The following KIAA0753 variants were observed in gnomAD, a reference collection of about 807,000 sequenced individuals.
The protein encoded by KIAA0753 is KIAA0753.
KIAA0753 carries 114 observed loss-of-function variants against 116.9 expected under a neutral mutation model. The observed-to-expected ratio is 0.98, with a 90% CI of 0.84 to 1.14. KIAA0753 has a LOEUF of 1.14. Ranked by LOEUF, KIAA0753 falls within the 50% of genes most tolerant of loss-of-function variation. The pLI, the probability that KIAA0753 is intolerant of heterozygous loss-of-function variation, is 0.00. For synonymous variants in KIAA0753, 405 were observed against 413.1 expected (o/e 0.98, Z 0.24); for missense variants, 1,156 against 1,172.4 (o/e 0.99, Z 0.20).
chr17:6,608,229 A>T, intron 10 of KIAA0753, 119 bp downstream of exon 10: 1 of 460,954 alleles, frequency 2.2e-6, no homozygotes, highest in Non-Finnish European at 3.9e-6. Flanking sequence ...ATTTTTAAAA[A>T]TAATCTACAT....
At chr17:6,596,701 G>C (rs1432004434) in intron 14 of KIAA0753, among the ~76,000 whole-genome samples, 1 of 152,174 alleles carries the variant, frequency 6.6e-6, no homozygotes, top group Non-Finnish European at 1.5e-5. Flanking sequence ...ACACATTCCA[G>C]AGGATGTAAC....
chr17:6,618,986 C>A (rs928505168), intron 7 of KIAA0753, among the ~76,000 whole-genome samples: 17 of 152,142 alleles, frequency 1.1e-4, no homozygotes, highest in African/African-American at 3.9e-4. Flanking sequence ...CCCAGCACTT[C>A]GGAAGGCTAA....
intron 7 of KIAA0753, among the ~76,000 whole-genome samples, chr17:6,614,886 C>A (rs969127030): frequency 1.3e-5 from 2 of 151,664 alleles, no homozygotes; most frequent in African/African-American, 4.9e-5. Flanking sequence ...GCAACCTCCG[C>A]TTCCCAGGTT....
intron 16 of KIAA0753, among the ~76,000 whole-genome samples, chr17:6,591,026 GGAAGAAGGAAGAAGGAAGAAGAAGAAGAA>G (rs1968973756): frequency 1.1e-5 from 1 of 93,516 alleles, no homozygotes; most frequent in South Asian, 3.5e-4. Flanking sequence ...GAAGGAAGAA[GGAAGAAGGAAGAAGGAAGAAGAAGAAGAA>G]GAAGAAGAAG....
intron 14 of KIAA0753, among the ~76,000 whole-genome samples, chr17:6,596,683 T>C (rs1005376383): frequency 6.6e-6 from 1 of 152,248 alleles, no homozygotes; most frequent in African/African-American, 2.4e-5. Flanking sequence ...TCCAATATTT[T>C]ACACGTCACA....
chr17:6,582,116 T>C (rs1159095747), intron 18 of KIAA0753, among the ~76,000 whole-genome samples: 6 of 152,214 alleles, frequency 3.9e-5, no homozygotes, highest in Non-Finnish European at 1.5e-5. Flanking sequence ...AGCCTTCCCC[T>C]AGAAACCTTG....
rs1421554076 is a variant in KIAA0753, at chr17:6,590,635, A to G, written c.2441-5T>C. 6.2e-7 allele frequency: 1 copy of G among 1,613,480 alleles called. No individual in the cohort carries two copies. Among genetic ancestry groups the G allele is most frequent in the South Asian group, 1.1e-5 (1 of 91,036 alleles). On this transcript the variant is annotated splice_region_variant and splice_polypyrimidine_tract_variant and intron_variant, in intron 16 of 18. Coordinates refer to ENST00000361413, the MANE Select transcript of KIAA0753 (RefSeq NM_014804.3). ...TTATTGCTGAGATTTTTTGGTCTAG[A>G]AAAGGAGGGTCATAAAATGACTGCA...
At position 6,628,143 on chromosome 17, in the gene KIAA0753, T is replaced by C. The variant is rs747779486; in HGVS notation, c.692A>G (p.His231Arg). ...RLQKELSSCI[H>R]KIEEVTKKDR... Reference sequence around the variant, plus strand: ...TTTTTTAGTTACCTCTTCAATTTTGTGGATACAACTGCTCAGTTCTTTCTG... The same window carrying C: ...TTTTTTAGTTACCTCTTCAATTTTGCGGATACAACTGCTCAGTTCTTTCTG... Residue 231 changes from histidine (H) to arginine (R), a missense_variant, in exon 3 of 19, where the codon CAC (histidine) becomes CGC (arginine). Physicochemically the swap from His to Arg is conservative, Grantham distance 29 (BLOSUM62 0). Transcript: ENST00000361413. The C allele has an allele frequency of 6.2e-7, 1 of 1,609,388 alleles. No homozygotes were observed.
chr17:6,600,273 C>T (rs1969776544), intron 13 of KIAA0753, 107 bp downstream of exon 13: 2 of 814,708 alleles, frequency 2.5e-6, no homozygotes, highest in Non-Finnish European at 4.1e-6. Context: ...TTCCAGATGC[C>T]ACAGAGACAC....
intron 6 of KIAA0753, among the ~76,000 whole-genome samples, chr17:6,622,293 C>A (rs1597575692): frequency 6.6e-6 from 1 of 152,170 alleles, no homozygotes; most frequent in African/African-American, 2.4e-5. Context: ...AAGCATACTG[C>A]CATAGAAAGG....
At position 6,595,051 on chromosome 17, in the gene KIAA0753, T is replaced by C. The variant is rs1420852446; in HGVS notation, c.2361A>G (p.Lys787=). 1.3e-6 allele frequency: 2 copies of C among 1,594,996 alleles called. No homozygotes were observed. The highest frequency in any genetic ancestry group is 2.3e-5 in the South Asian group (2 of 87,660). The stretch of plus-strand genomic sequence containing the variant: ...ATCTTTGACGAACAGACTCCTGGTA[T>C]TTCTTTAAAAAAAAAGAAAAAAGTT... ...IMMRRMEEME[K]YQESVRQRYN... The change falls in exon 16 of 19, where the codon AAA becomes AAG. Residue 787 remains lysine (K), a splice_region_variant and synonymous_variant. Coordinates refer to ENST00000361413, the MANE Select transcript of KIAA0753 (RefSeq NM_014804.3).
intron 2 of KIAA0753, among the ~76,000 whole-genome samples, chr17:6,634,021 C>T (rs527474573): frequency 6.7e-6 from 1 of 149,598 alleles, no homozygotes; most frequent in South Asian, 2.1e-4. Flanking sequence ...GTACACATTG[C>T]AATGTGTACA....
intron 18 of KIAA0753, among the ~76,000 whole-genome samples, chr17:6,589,112 T>C (rs1174438441): frequency 6.6e-6 from 1 of 152,224 alleles, no homozygotes; most frequent in Non-Finnish European, 1.5e-5. Flanking sequence ...TGAATGTCTG[T>C]GTTTCCCCCA....
chr17:6,634,540 AC>A (rs1175439509), intron 2 of KIAA0753, among the ~76,000 whole-genome samples: 1 of 152,236 alleles, frequency 6.6e-6, no homozygotes, highest in African/African-American at 2.4e-5. Context: ...TGAGTGACAG[AC>A]ATGCAACGAA....
intron 16 of KIAA0753, among the ~76,000 whole-genome samples, chr17:6,591,103 A>AGAG (rs1567541064): frequency 9.5e-5 from 14 of 147,798 alleles, no homozygotes; most frequent in Non-Finnish European, 1.5e-4. Flanking sequence ...AAGAAGAAGA[A>AGAG]GAAGAAAACA....
At position 6,589,963 on chromosome 17, in the gene KIAA0753, T is replaced by G; in HGVS notation, c.2602A>C (p.Lys868Gln). Residue 868 changes from lysine (K) to glutamine (Q), a missense_variant, in exon 18 of 19, where the codon AAA becomes CAA. Physicochemically the swap from Lys to Gln is moderately conservative, Grantham distance 53. Transcript: ENST00000361413. ...AGGGAGAGAAGAGGGGCCTCTCTTT[T>G]CTCTGATCCTTCCTCTGTTCCCACA... ...ESVGTEEGSE[K>Q]REAPLLSLAE... 1 of 1,596,334 alleles carries G rather than the reference T, an allele frequency of 6.3e-7. No homozygotes were observed. Among genetic ancestry groups the G allele is most frequent in the Non-Finnish European group, 8.5e-7 (1 of 1,174,358 alleles).
In KIAA0753 at chr17:6,606,873, C is replaced by A. The variant is rs766825450; in HGVS notation, c.2009G>T (p.Ser670Ile). The change falls in exon 12 of 19, where the codon AGT becomes ATT. Residue 670 changes from serine (S) to isoleucine (I), a missense_variant and splice_region_variant. Physicochemically the swap from Ser to Ile is moderately radical, Grantham distance 142. Transcript: ENST00000361413. ...AEEMYRLQQL[S>I]VSATHLADKV... is the part of the protein sequence containing the mutation. Reference sequence around the variant, plus strand: ...TTCTTCCTAAGAAGCAAACACATACCTCAATTGTTGGAGTCTATACATTTC... The same window carrying A: ...TTCTTCCTAAGAAGCAAACACATACATCAATTGTTGGAGTCTATACATTTC... 1 of 1,612,530 alleles carries A rather than the reference C, an allele frequency of 6.2e-7. No homozygotes were observed. Among genetic ancestry groups the A allele is most frequent in the Non-Finnish European group, 8.5e-7 (1 of 1,178,554 alleles).
In KIAA0753 at chr17:6,628,631, T is replaced by C. The variant is rs778093656; in HGVS notation, c.204A>G (p.Glu68=). The C allele has an allele frequency of 1.7e-5, 27 of 1,613,960 alleles. No individual in the cohort carries two copies. The highest frequency in any genetic ancestry group is 1.6e-4 in the Middle Eastern group (1 of 6,084). Residue 68 remains glutamate, a synonymous_variant, in exon 3 of 19, where the codon GAA becomes GAG. Coordinates refer to ENST00000361413, the MANE Select transcript of KIAA0753 (RefSeq NM_014804.3). ...AATCTGCATCTTTACAATGGTATGA[T>C]TCATTGTATGAGTGCTTCAGTTTTT... is the stretch of plus-strand genomic sequence containing the variant. ...RIEKLKHSYN[E]SYHCKDADCR...
chr17:6,624,906 A>G (rs1463613240), intron 3 of KIAA0753, 45 bp from the exon 4 acceptor site: 8 of 1,248,792 alleles, frequency 6.4e-6, no homozygotes, highest in African/African-American at 6.0e-5. Context: ...TATAAACCAT[A>G]TATTAAAACT....
Sources: allele counts gnomAD v4.1 joint callset (sites outside exome capture counted in the v4.1 genomes callset), GRCh38; gene constraint gnomAD v4.1.1; transcripts MANE v1.5; gene names NCBI Gene and HGNC (gene_info 2026-07-23, HGNC 2026-07-21).